Variants in TRPM3 observed in about 807,000 individuals in gnomAD.
TRPM3 encodes long transient receptor potential channel 3.
In TRPM3, 77 loss-of-function variants were observed where a neutral mutation model predicts 181.2. The ratio of observed to expected loss-of-function variants is 0.42; its 90% CI spans 0.35 to 0.51. The LOEUF is 0.51. Among genes scored for constraint, TRPM3 ranks in the 20% least tolerant of loss-of-function variants. TRPM3 has a pLI of 0.01. For synonymous variants in TRPM3, 745 were observed against 796.4 expected (o/e 0.94, Z 1.09); for missense variants, 1,759 against 2,196.7 (o/e 0.80, Z 3.98).
At chr9:71,097,438 C>T (rs1169247586) in intron 1 of TRPM3, among the ~76,000 whole-genome samples, 1 of 151,950 alleles carries the variant, frequency 6.6e-6, no homozygotes, top group Non-Finnish European at 1.5e-5. Context: ...ATATTATGTG[C>T]ATTTAACATA....
In TRPM3 at chr9:70,536,337, A is replaced by G; in HGVS notation, c.4776T>C (p.Thr1592=). The part of the protein sequence containing the change: ...GGLGDKVEDL[T]CCHPEREAEL... ...CTGCTTCTCGCTCTGGATGGCAGCA[A>G]GTTAAGTCCTCCACTTTGTCTCCAA... Residue 1592 remains threonine (T), a synonymous_variant, in exon 26 of 26, where the codon ACT becomes ACC. Coordinates refer to ENST00000677713, the MANE Select transcript of TRPM3 (RefSeq NM_001366145.2). 1 of 1,614,044 alleles carries G rather than the reference A, an allele frequency of 6.2e-7. No individual in the cohort carries two copies. Among genetic ancestry groups the G allele is most frequent in the South Asian group, 1.1e-5 (1 of 91,066 alleles).
At position 70,630,669 on chromosome 9, in the gene TRPM3, G is replaced by A. The variant is rs561907241; in HGVS notation, c.1632+4542C>T. ...TCTAGCACTTCCCCCTCCCCCTTCGGTAATGACTTTGGTAATTGGTAAAGC... is the reference window on the plus strand; with the variant it reads ...TCTAGCACTTCCCCCTCCCCCTTCGATAATGACTTTGGTAATTGGTAAAGC... On this transcript the variant is annotated intron_variant, in intron 12 of 25. Transcript: ENST00000677713. Among the ~76,000 whole-genome samples the A allele has an allele frequency of 9.4e-4, 143 of 152,286 alleles. 1 individual carries two copies. The highest frequency in any genetic ancestry group is 3.3e-3 in the African/African-American group (139 of 41,548).
intron 1 of TRPM3, among the ~76,000 whole-genome samples, chr9:71,216,708 G>T (rs1402405484): frequency 6.6e-6 from 1 of 152,016 alleles, no homozygotes; most frequent in African/African-American, 2.4e-5. Flanking sequence ...TTTAGAGAAG[G>T]GATGAACTTC....
chr9:70,537,546 G>A (rs2042108345), intron 25 of TRPM3, 141 bp from the exon 26 acceptor site: 1 of 602,344 alleles, frequency 1.7e-6, no homozygotes, highest in Non-Finnish European at 2.4e-6. Flanking sequence ...AGAGGGGTTG[G>A]GGAGGAGAGA....
chr9:70,572,268 G>A (rs2052643869), intron 22 of TRPM3, among the ~76,000 whole-genome samples: 1 of 152,140 alleles, frequency 6.6e-6, no homozygotes, highest in Admixed American at 6.5e-5. Flanking sequence ...TAGATTTGTA[G>A]AAAGGTTGCA....
chr9:70,776,393 T>C, intron 7 of TRPM3: 1 of 701,518 alleles, frequency 1.4e-6, no homozygotes, highest in Non-Finnish European at 2.6e-6. Context: ...GAGAGGACCG[T>C]CATTCGCCAT....
intron 1 of TRPM3, among the ~76,000 whole-genome samples, chr9:71,034,965 A>ATT (rs74670373): frequency 6.6e-6 from 1 of 151,040 alleles, no homozygotes; most frequent in Non-Finnish European, 1.5e-5. Flanking sequence ...AAAATATATA[A>ATT]TTTTTTTTTG....
At chr9:71,015,838 G>A (rs527552290) in intron 1 of TRPM3, among the ~76,000 whole-genome samples, 104 of 152,196 alleles carry the variant, frequency 6.8e-4, no homozygotes, top group African/African-American at 2.4e-3. Flanking sequence ...CTGAGGATCA[G>A]GTATTGGGCA....
chr9:70,805,821 C>A lies in TRPM3; in HGVS notation c.974-21542G>T, dbSNP rs73461962. 5.5e-3 allele frequency among the ~76,000 whole-genome samples: 831 copies of A among 152,304 alleles called. 11 individuals carry two copies. The highest frequency in any genetic ancestry group is 0.019 in the African/African-American group (786 of 41,556). On this transcript the variant is annotated intron_variant, in intron 6 of 25. Coordinates refer to ENST00000677713, the MANE Select transcript of TRPM3 (RefSeq NM_001366145.2). Reference sequence around the variant, plus strand: ...ACTTTCTACTTCTCCCCAAACTCTTCATGCAGGCACACCATGTTTAATTGC... The same window carrying A: ...ACTTTCTACTTCTCCCCAAACTCTTAATGCAGGCACACCATGTTTAATTGC...
intron 1 of TRPM3, among the ~76,000 whole-genome samples, chr9:71,318,046 T>C (rs1346839035): frequency 6.6e-6 from 1 of 152,104 alleles, no homozygotes; most frequent in Admixed American, 6.6e-5. Flanking sequence ...GGCCAGGAGT[T>C]TGAGAGCAGC....
At chr9:71,345,961 T>C (rs1588599251) in intron 1 of TRPM3, among the ~76,000 whole-genome samples, 1 of 152,186 alleles carries the variant, frequency 6.6e-6, no homozygotes, top group South Asian at 2.1e-4. Flanking sequence ...ACCAATAGTA[T>C]GCTATGGGAA....
intron 1 of TRPM3, among the ~76,000 whole-genome samples, chr9:71,394,702 C>T (rs1306841034): frequency 6.6e-6 from 1 of 152,140 alleles, no homozygotes; most frequent in East Asian, 1.9e-4. Flanking sequence ...CTCAGATCCA[C>T]AGTAAAGTTT....
intron 9 of TRPM3, among the ~76,000 whole-genome samples, chr9:70,675,578 T>C (rs1012971798): frequency 3.9e-5 from 6 of 152,226 alleles, no homozygotes; most frequent in Non-Finnish European, 7.3e-5. Flanking sequence ...TCTGAAATAA[T>C]TGTATGAGTT....
intron 1 of TRPM3, among the ~76,000 whole-genome samples, chr9:71,095,976 GT>G (rs2067121551): frequency 6.6e-6 from 1 of 152,040 alleles, no homozygotes; most frequent in Admixed American, 6.6e-5. Flanking sequence ...TAGGTCAATT[GT>G]AAAAATCAAA....
intron 1 of TRPM3, among the ~76,000 whole-genome samples, chr9:71,283,094 G>T (rs754265205): frequency 1.3e-5 from 2 of 151,952 alleles, no homozygotes; most frequent in Non-Finnish European, 2.9e-5. Flanking sequence ...GTACAGTTTA[G>T]TCTGTATTAA....
intron 20 of TRPM3, among the ~76,000 whole-genome samples, chr9:70,599,391 T>C (rs926418111): frequency 1.9e-4 from 29 of 152,192 alleles, no homozygotes; most frequent in African/African-American, 7.0e-4. Flanking sequence ...AAAAAAAGAC[T>C]TAGGAGACAA....
At chr9:70,666,582 G>C (rs769504069) in intron 9 of TRPM3, among the ~76,000 whole-genome samples, 61 of 152,142 alleles carry the variant, frequency 4.0e-4, no homozygotes, top group Non-Finnish European at 8.1e-4. Context: ...TTGTATAATA[G>C]CTTTCTGCAT....
intron 1 of TRPM3, among the ~76,000 whole-genome samples, chr9:71,295,294 T>C (rs578226782): frequency 6.6e-6 from 1 of 152,122 alleles, no homozygotes; most frequent in South Asian, 2.1e-4. Flanking sequence ...GAATAGAAAT[T>C]AAAAATTATG....
chr9:71,039,259 T>C (rs918435856), intron 1 of TRPM3, among the ~76,000 whole-genome samples: 11 of 152,264 alleles, frequency 7.2e-5, no homozygotes, highest in South Asian at 4.1e-4. Flanking sequence ...GTCTCTAAGC[T>C]TCAGCTTTCT....
Sources: gnomAD v4.1 joint callset for allele counts (sites outside exome capture counted in the v4.1 genomes callset) on GRCh38, gnomAD v4.1.1 for gene constraint, MANE v1.5 for transcripts, NCBI Gene and HGNC (gene_info 2026-07-23, HGNC 2026-07-21) for gene names.